ZNF574: variants seen among roughly 807,000 people sequenced by gnomAD.
The protein encoded by ZNF574 is zinc finger protein 574.
ZNF574 carries 25 observed loss-of-function variants against 56.6 expected under a neutral mutation model. The observed-to-expected ratio is 0.44, with a 90% confidence interval of 0.32 to 0.62. The LOEUF is 0.62. Among genes scored for constraint, ZNF574 ranks in the 20% least tolerant of loss-of-function variants. ZNF574 has a pLI of 0.04. For synonymous variants in ZNF574, 543 were observed against 492.1 expected (o/e 1.10, Z -1.37); for missense variants, 1,065 against 1,218.9 (o/e 0.87, Z 1.88).
upstream of ZNF574, among the ~76,000 whole-genome samples, chr19:42,075,871 C>A (rs754130131): frequency 3.3e-5 from 5 of 152,206 alleles, no homozygotes; most frequent in Non-Finnish European, 7.4e-5. Context: ...GCTCAGAGTT[C>A]CCCTCTGGAG....
Position 42,078,721 on chromosome 19 carries a change from G to T in ZNF574, c.115G>T (p.Val39Leu). 6.2e-7 allele frequency: 1 copy of T among 1,614,068 alleles called. No homozygotes were observed. The highest frequency in any genetic ancestry group is 8.5e-7 in the Non-Finnish European group (1 of 1,179,982). The change falls in exon 2 of 2, where the codon GTG becomes TTG. Residue 39 changes from valine (V) to leucine (L), a missense_variant. Val to Leu is a conservative substitution (Grantham distance 32). Transcript: ENST00000359044. Reference sequence around the variant, plus strand: ...GGTGCTTATGCACCAAAACTCCCACGTGCCCCAGCAGCACTTTGAGCTGGT... The same window carrying T: ...GGTGCTTATGCACCAAAACTCCCACTTGCCCCAGCAGCACTTTGAGCTGGT... ...EEVLMHQNSHVPQQHFELVGV... is the reference protein window; with the variant it reads ...EEVLMHQNSHLPQQHFELVGV...
Position 42,081,381 on chromosome 19 carries a change from G to T in ZNF574, c.*84G>T. ...CCCCTTAAGCATCTGTACATACTGTGTCCCTTCCTCTTCCCATCCCCACCA... is the reference window on the plus strand; with the variant it reads ...CCCCTTAAGCATCTGTACATACTGTTTCCCTTCCTCTTCCCATCCCCACCA... On this transcript the variant is annotated 3_prime_UTR_variant, in exon 2 of 2. Coordinates refer to ENST00000359044, the MANE Select transcript of ZNF574 (RefSeq NM_022752.6). The T allele has an allele frequency of 6.5e-7, 1 of 1,540,566 alleles. No individual in the cohort carries two copies. The highest frequency in any genetic ancestry group is 9.0e-7 in the Non-Finnish European group (1 of 1,115,300).
Position 42,079,858 on chromosome 19 carries a change from G to A in ZNF574, c.1252G>A (p.Val418Ile). ...CCGGCGTACTCATGGGGTAGGGGGTGTCCCTCTGCCCACAACACCAGTCCC... is the reference window on the plus strand; with the variant it reads ...CCGGCGTACTCATGGGGTAGGGGGTATCCCTCTGCCCACAACACCAGTCCC... ...YHRRTHGVGG[V>I]PLPTTPVPPE... The change falls in exon 2 of 2, where the codon GTC (valine) becomes ATC (isoleucine). Residue 418 changes from valine (V) to isoleucine (I), a missense_variant. Physicochemically the swap from Val to Ile is conservative, Grantham distance 29. Transcript: ENST00000359044. The surrounding 1 kb of genome is among the most constrained non-coding windows in gnomAD (Gnocchi z 4.3). 6.2e-7 allele frequency: 1 copy of A among 1,614,104 alleles called. No homozygotes were observed. Among genetic ancestry groups the A allele is most frequent in the East Asian group, 2.2e-5 (1 of 44,870 alleles).
At chr19:42,070,996 T>C (rs945236963) in intron 1 of ZNF574, 7 of 152,434 alleles carry the variant, frequency 4.6e-5, no homozygotes, top group African/African-American at 1.7e-4. Flanking sequence ...ATAGCTCCTA[T>C]AGAGGTGAGG....
chr19:42,075,665 TCCCTCTGA>T (rs2076449853), upstream of ZNF574, among the ~76,000 whole-genome samples: 1 of 152,166 alleles, frequency 6.6e-6, no homozygotes, highest in South Asian at 2.1e-4. Flanking sequence ...TTTCACTTTC[TCCCTCTGA>T]CCCTCGGGGA....
chr19:42,071,338 G>A (rs2076419414), upstream of ZNF574, among the ~76,000 whole-genome samples: 1 of 151,964 alleles, frequency 6.6e-6, no homozygotes, highest in Admixed American at 6.5e-5. Flanking sequence ...AGTTGGCGCC[G>A]AAGGCTGAGC....
upstream of ZNF574, among the ~76,000 whole-genome samples, chr19:42,072,242 T>A (rs1323039677): frequency 1.3e-5 from 2 of 149,024 alleles, no homozygotes; most frequent in East Asian, 3.9e-4. Flanking sequence ...TTTTCTTTTT[T>A]TTTTTTTTTT....
intron 1 of ZNF574, chr19:42,070,709 G>C (rs1313942965): frequency 1.3e-5 from 2 of 152,758 alleles, no homozygotes; most frequent in Non-Finnish European, 2.9e-5. Context: ...GAGACAAGGG[G>C]CAGTAATGTG....
At chr19:42,072,132 G>C, upstream of ZNF574, among the ~76,000 whole-genome samples, 1 of 151,842 alleles carries the variant, frequency 6.6e-6, no homozygotes, top group Non-Finnish European at 1.5e-5. Context: ...ATTCCTATAT[G>C]ATCTGGAGAA....
chr19:42,070,178 G>T (rs1288402302), intron 1 of ZNF574, among the ~76,000 whole-genome samples: 6 of 152,084 alleles, frequency 3.9e-5, no homozygotes, highest in Admixed American at 1.3e-4. Context: ...CTGCCCGCCT[G>T]CCGCCTGCGC....
intron 1 of ZNF574, among the ~76,000 whole-genome samples, chr19:42,077,525 A>G (rs1187623763): frequency 6.6e-6 from 1 of 152,160 alleles, no homozygotes. Flanking sequence ...CAAGAGAGGC[A>G]TAGGTTGATA....
chr19:42,068,762 A>G, exon 1 of ZNF574: 1 of 527,014 alleles, frequency 1.9e-6, no homozygotes, highest in Non-Finnish European at 3.4e-6. Context: ...GGGCAGAGTC[A>G]GAGAGGGGCC....
At chr19:42,072,062 G>A (rs1015119676), upstream of ZNF574, among the ~76,000 whole-genome samples, 4 of 150,750 alleles carry the variant, frequency 2.7e-5, no homozygotes, top group Non-Finnish European at 5.9e-5. Context: ...AACCTGTCCC[G>A]GAAATCCCAG....
upstream of ZNF574, among the ~76,000 whole-genome samples, chr19:42,072,236 CTTTT>C (rs1200141888): frequency 7.4e-6 from 1 of 135,176 alleles, no homozygotes. Context: ...TTTTCCTTTT[CTTTT>C]TTTTTTTTTT....
chr19:42,081,422 A>C lies in ZNF574; in HGVS notation c.*125A>C. ...ATCCCCACCACCTTGTAAGTTCTAA[A>C]TTGGATTTATTCTCTCGTGAGGGGG... is the stretch of plus-strand genomic sequence containing the variant. On this transcript the variant is annotated 3_prime_UTR_variant, in exon 2 of 2. Coordinates refer to ENST00000359044, the MANE Select transcript of ZNF574 (RefSeq NM_022752.6). 2 of 1,288,590 alleles carry C rather than the reference A, an allele frequency of 1.6e-6. No homozygotes were observed. The highest frequency in any genetic ancestry group is 2.2e-6 in the Non-Finnish European group (2 of 902,428). The allele number at this position is 1,288,590 out of a possible 1,614,324, so 79.8% of individuals were successfully genotyped here. A position where few individuals can be genotyped will look rare whatever the true frequency, so the allele number is the denominator to read the frequency against.
upstream of ZNF574, among the ~76,000 whole-genome samples, chr19:42,072,266 G>A (rs535331344): frequency 4.1e-4 from 53 of 129,080 alleles, no homozygotes; most frequent in South Asian, 9.5e-4. Flanking sequence ...ATGGAGTCTC[G>A]CTCTGTTGTC....
chr19:42,080,611 T>A lies in ZNF574; in HGVS notation c.2005T>A (p.Cys669Ser). The change falls in exon 2 of 2, where the codon TGT becomes AGT. Residue 669 changes from cysteine to serine, a missense_variant. Coordinates refer to ENST00000359044, the MANE Select transcript of ZNF574 (RefSeq NM_022752.6). The surrounding 1 kb of genome is among the most constrained non-coding windows in gnomAD (Gnocchi z 8.5). ...TGCCCAGGCCCCACGGCGCTTTGAG[T>A]GTGGCACCTGTGGCAAGAAAGTGGG... ...AAAQAPRRFECGTCGKKVGSA... is the reference protein window; with the variant it reads ...AAAQAPRRFESGTCGKKVGSA... 6.2e-7 allele frequency: 1 copy of A among 1,612,724 alleles called. No individual in the cohort carries two copies. Among genetic ancestry groups the A allele is most frequent in the South Asian group, 1.1e-5 (1 of 91,060 alleles).
In ZNF574 at chr19:42,080,283, T is replaced by C. The variant is rs746585174; in HGVS notation, c.1677T>C (p.Ala559=). ...ACCGGTGTGGGGACTGTGGCAAGGCTTTCACGCAAAGCTCCACACTGAGGC... is the reference window on the plus strand; with the variant it reads ...ACCGGTGTGGGGACTGTGGCAAGGCCTTCACGCAAAGCTCCACACTGAGGC... ...RPYRCGDCGK[A]FTQSSTLRQH... is the part of the protein sequence containing the mutation. Residue 559 remains alanine, a synonymous_variant, in exon 2 of 2, where the codon GCT becomes GCC. Transcript: ENST00000359044. This position sits in a 1 kb window ranked among gnomAD's most constrained non-coding sequence, Gnocchi z 8.5. 1.2e-6 allele frequency: 2 copies of C among 1,613,448 alleles called. No individual in the cohort carries two copies. Among genetic ancestry groups the C allele is most frequent in the Non-Finnish European group, 8.5e-7 (1 of 1,179,772 alleles).
Position 42,080,842 on chromosome 19 carries a change from C to T in ZNF574, c.2236C>T (p.Leu746=). ...TCTAGAGTGCAGCGAGTGCAAGAAG[C>T]TGTTCAGCACAGAGACGTCACTGCA... ...RGLECSECKK[L]FSTETSLQVH... The change falls in exon 2 of 2, where the codon CTG becomes TTG. Residue 746 remains leucine (L), a synonymous_variant. Coordinates refer to ENST00000359044, the MANE Select transcript of ZNF574 (RefSeq NM_022752.6). This position sits in a 1 kb window ranked among gnomAD's most constrained non-coding sequence, Gnocchi z 8.5. 1 of 1,614,112 alleles carries T rather than the reference C, an allele frequency of 6.2e-7. No individual in the cohort carries two copies. Among genetic ancestry groups the T allele is most frequent in the Non-Finnish European group, 8.5e-7 (1 of 1,180,038 alleles).
Sources: gnomAD v4.1 joint callset for allele counts (sites outside exome capture counted in the v4.1 genomes callset) on GRCh38, gnomAD v4.1.1 for gene constraint, Gnocchi (gnomAD v3.1) non-coding constraint, MANE v1.5 for transcripts, NCBI Gene and HGNC (gene_info 2026-07-23, HGNC 2026-07-21) for gene names.